PRKG1: variants seen among roughly 807,000 people sequenced by gnomAD.
The protein encoded by PRKG1 is cGMP-dependent protein kinase 1.
A neutral mutation model predicts 88.1 loss-of-function variants in PRKG1; 35 were observed. The ratio of observed to expected loss-of-function variants is 0.40; its 90% CI spans 0.30 to 0.53. The LOEUF is 0.53. Ranked by LOEUF, PRKG1 falls within the 20% of genes least tolerant of loss-of-function variation. The probability of loss-of-function intolerance (pLI) is 0.59; values close to 1 mark genes in which losing one functional copy is unlikely to be tolerated. For synonymous variants in PRKG1, 303 were observed against 292.5 expected (o/e 1.04, Z -0.37); for missense variants, 540 against 839.8 (o/e 0.64, Z 4.41).
At chr10:51,898,410 A>T (rs1388020238) in intron 4 of PRKG1, among the ~76,000 whole-genome samples, 1 of 152,152 alleles carries the variant, frequency 6.6e-6, no homozygotes, top group Non-Finnish European at 1.5e-5. Context: ...TTGATGAATA[A>T]GCTGAAATCT....
At chr10:52,263,274 G>A (rs991712731) in intron 10 of PRKG1, among the ~76,000 whole-genome samples, 3 of 152,060 alleles carry the variant, frequency 2.0e-5, no homozygotes, top group African/African-American at 7.2e-5. Context: ...AGTAAGCACA[G>A]AGAAATACAT....
intron 2 of PRKG1, among the ~76,000 whole-genome samples, chr10:51,286,704 A>G (rs1029740002): frequency 1.2e-4 from 19 of 152,330 alleles, no homozygotes; most frequent in Middle Eastern, 3.4e-3. Flanking sequence ...GGAACATTCA[A>G]CATCCCCCTT....
intron 3 of PRKG1, among the ~76,000 whole-genome samples, chr10:51,586,880 T>A (rs1487973072): frequency 6.6e-6 from 1 of 152,180 alleles, no homozygotes; most frequent in Admixed American, 6.6e-5. Flanking sequence ...AGGAAAAGGA[T>A]GTACATGTAT....
chr10:52,034,680 ACAGTGTAAACCGG>A (rs996102499), intron 5 of PRKG1, among the ~76,000 whole-genome samples: 9 of 151,592 alleles, frequency 5.9e-5, no homozygotes, highest in African/African-American at 2.2e-4. Context: ...GCATGGAAAA[ACAGTGTAAACCGG>A]CAGTGTAAAC....
chr10:51,986,583 C>T (rs1050800420), intron 5 of PRKG1, among the ~76,000 whole-genome samples: 2 of 152,158 alleles, frequency 1.3e-5, no homozygotes, highest in African/African-American at 4.8e-5. Flanking sequence ...ACATCAGCTG[C>T]CAGAGAAAAA....
At chr10:51,984,167 A>G (rs1019777200) in intron 5 of PRKG1, among the ~76,000 whole-genome samples, 4 of 152,212 alleles carry the variant, frequency 2.6e-5, no homozygotes, top group African/African-American at 9.6e-5. Context: ...TCTGTGAGGC[A>G]TGTTACAAAG....
chr10:51,786,349 A>G (rs1210330954), intron 3 of PRKG1, among the ~76,000 whole-genome samples: 1 of 151,956 alleles, frequency 6.6e-6, no homozygotes, highest in Non-Finnish European at 1.5e-5. Context: ...GATTTTGGGG[A>G]TGGGACTCAA....
At chr10:51,435,210 A>G (rs550849752) in intron 2 of PRKG1, among the ~76,000 whole-genome samples, 1 of 152,140 alleles carries the variant, frequency 6.6e-6, no homozygotes, top group East Asian at 1.9e-4. Flanking sequence ...TGACAAATTG[A>G]TAAACATTTT....
chr10:51,059,516 C>A (rs1050217056), intron 1 of PRKG1, among the ~76,000 whole-genome samples: 1 of 152,106 alleles, frequency 6.6e-6, no homozygotes, highest in African/African-American at 2.4e-5. Context: ...CCTGCCTCAG[C>A]CTCCCAAAGT....
chr10:51,610,575 A>G lies in PRKG1; in HGVS notation c.592+142739A>G, dbSNP rs866417492. 1.2e-4 allele frequency among the ~76,000 whole-genome samples: 18 copies of G among 152,228 alleles called. No individual in the cohort carries two copies. In the Middle Eastern group the frequency reaches 0.01, roughly 86 times the overall value. On this transcript the variant is annotated intron_variant, in intron 3 of 17. Coordinates refer to ENST00000373980, the MANE Select transcript of PRKG1 (RefSeq NM_006258.4). ...CTTAGATTGATTTCATATCTTTGCT[A>G]TTGTTAATAGTGCTGCAATACTATT... is the stretch of plus-strand genomic sequence containing the variant.
chr10:51,378,717 T>C (rs1010008655), intron 2 of PRKG1, among the ~76,000 whole-genome samples: 51 of 152,178 alleles, frequency 3.4e-4, no homozygotes, highest in African/African-American at 1.0e-3. Context: ...TGCTATGACC[T>C]GTGTGATGCA....
intron 7 of PRKG1, among the ~76,000 whole-genome samples, chr10:52,068,875 T>C (rs1846425412): frequency 6.6e-6 from 1 of 152,192 alleles, no homozygotes; most frequent in South Asian, 2.1e-4. Flanking sequence ...GGTCATAGCT[T>C]CTGGTTCTCT....
chr10:51,909,909 A>T (rs1485536532), intron 5 of PRKG1: 1 of 152,266 alleles, frequency 6.6e-6, no homozygotes, highest in Non-Finnish European at 1.5e-5. Context: ...GGGGACAGAG[A>T]GGTTTGCACA....
At position 52,076,279 on chromosome 10, in the gene PRKG1, G is replaced by A. The variant is rs565980023; in HGVS notation, c.935+13648G>A. On this transcript the variant is annotated intron_variant, in intron 7 of 17. Coordinates refer to ENST00000373980, the MANE Select transcript of PRKG1 (RefSeq NM_006258.4). ...ATCTATAAAAGGAAAAAAAGGGGCC[G>A]GGCCCAGTGGCTCACGCCCGTAGTC... Among the ~76,000 whole-genome samples, 4 of 152,298 alleles carry A rather than the reference G, an allele frequency of 2.6e-5. No individual in the cohort carries two copies. In the South Asian group the frequency reaches 6.2e-4, roughly 24 times the overall value.
At chr10:51,303,781 A>AT (rs1840956695) in intron 2 of PRKG1, among the ~76,000 whole-genome samples, 3 of 151,868 alleles carry the variant, frequency 2.0e-5, no homozygotes, top group Admixed American at 2.0e-4. Flanking sequence ...CTATTTTTCA[A>AT]TTTTAAAATA....
At chr10:51,553,749 T>C (rs971032831) in intron 3 of PRKG1, among the ~76,000 whole-genome samples, 24 of 136,896 alleles carry the variant, frequency 1.8e-4, no homozygotes, top group African/African-American at 5.8e-4. Context: ...ATAATATATG[T>C]ATATATTAGA....
At chr10:51,809,130 A>G (rs1220690396) in intron 4 of PRKG1, among the ~76,000 whole-genome samples, 1 of 152,064 alleles carries the variant, frequency 6.6e-6, no homozygotes, top group Non-Finnish European at 1.5e-5. Context: ...GTATTTACCC[A>G]TTTTGTAACT....
intron 9 of PRKG1, among the ~76,000 whole-genome samples, chr10:52,225,654 GA>G (rs1312800822): frequency 6.6e-6 from 1 of 152,092 alleles, no homozygotes; most frequent in Non-Finnish European, 1.5e-5. Flanking sequence ...ATCTTGAGTT[GA>G]TTTTTGTTTA....
At chr10:51,859,848 T>C (rs943416377) in intron 4 of PRKG1, among the ~76,000 whole-genome samples, 4 of 152,184 alleles carry the variant, frequency 2.6e-5, no homozygotes, top group Admixed American at 2.6e-4. Context: ...TTGTGAGGTG[T>C]GGTAATTTTC....
Sources: allele counts gnomAD v4.1 joint callset (sites outside exome capture counted in the v4.1 genomes callset), GRCh38; gene constraint gnomAD v4.1.1; transcripts MANE v1.5; gene names NCBI Gene and HGNC (gene_info 2026-07-23, HGNC 2026-07-21).